CMC1: variants seen among roughly 807,000 people sequenced by gnomAD.
CMC1 encodes COX assembly mitochondrial protein homolog.
In CMC1, 14 loss-of-function variants were observed where a neutral mutation model predicts 14.1. That is an observed-to-expected ratio of 0.99 (90% CI 0.66 to 1.55). CMC1 has a LOEUF of 1.55. Among genes scored for constraint, CMC1 ranks in the 40% most tolerant of loss-of-function variants. The pLI, the probability that CMC1 is intolerant of heterozygous loss-of-function variation, is 0.00. For missense variants in CMC1, 127 were observed against 123.8 expected (o/e 1.03, Z -0.12); for synonymous variants, 50 against 38.4 (o/e 1.30, Z -1.12).
intron 2 of CMC1, among the ~76,000 whole-genome samples, chr3:28,308,876 G>A (rs1161370443): frequency 2.6e-5 from 4 of 151,998 alleles, no homozygotes; most frequent in African/African-American, 7.2e-5. Context: ...CCAGCTACTC[G>A]GGAGGCTGAG....
intron 1 of CMC1, among the ~76,000 whole-genome samples, chr3:28,255,932 G>A (rs1699382184): frequency 6.6e-6 from 1 of 152,066 alleles, no homozygotes; most frequent in Non-Finnish European, 1.5e-5. Flanking sequence ...AGGCGAAATA[G>A]ATAGGGTCAT....
chr3:28,298,453 AT>A (rs955868453), intron 2 of CMC1: 1 of 148,360 alleles, frequency 6.7e-6, no homozygotes, highest in Non-Finnish European at 1.5e-5. Flanking sequence ...TATAAAATAT[AT>A]TTTTATATAT....
At chr3:28,318,579 A>G (rs1448028065) in intron 3 of CMC1, 2 of 151,922 alleles carry the variant, frequency 1.3e-5, no homozygotes, top group Non-Finnish European at 2.9e-5. Context: ...AAGTCCAAAA[A>G]TGAACTGGGC....
intron 3 of CMC1, chr3:28,318,297 G>A (rs1599951): frequency 0.79 from 119,555 of 151,640 alleles, 47,535 homozygotes; most frequent in East Asian, 0.97. Flanking sequence ...TAAAGACTCT[G>A]ATGGGCTGAT....
chr3:28,301,067 C>G (rs1702021160), intron 2 of CMC1, among the ~76,000 whole-genome samples: 1 of 151,898 alleles, frequency 6.6e-6, no homozygotes, highest in Non-Finnish European at 1.5e-5. Flanking sequence ...ACAGTGTTAA[C>G]ATTTAAGCAG....
At chr3:28,284,625 C>T (rs950432410) in intron 2 of CMC1, among the ~76,000 whole-genome samples, 5 of 152,058 alleles carry the variant, frequency 3.3e-5, no homozygotes, top group African/African-American at 1.2e-4. Context: ...AGCAACAAAC[C>T]ATATAGATTT....
chr3:28,288,826 A>G (rs992019921), intron 2 of CMC1, among the ~76,000 whole-genome samples: 1 of 151,634 alleles, frequency 6.6e-6, no homozygotes, highest in African/African-American at 2.4e-5. Flanking sequence ...AATTTTTTAA[A>G]GTATACTCAC....
intron 2 of CMC1, among the ~76,000 whole-genome samples, chr3:28,279,165 T>C (rs972748827): frequency 1.2e-4 from 18 of 151,870 alleles, no homozygotes; most frequent in East Asian, 1.9e-4. Flanking sequence ...AAGTCAAACA[T>C]TGAAGGAAGG....
rs1250998884 is a variant in CMC1, at chr3:28,251,815, G to T, written c.19+10003G>T. On this transcript the variant is annotated intron_variant, in intron 1 of 3. Coordinates refer to ENST00000466830, the MANE Select transcript of CMC1 (RefSeq NM_182523.2). ...ATTGAGAATATTACACAATCTTCTAGATTTATATGAGGAAAAAAAGTAAAT... is the reference window on the plus strand; with the variant it reads ...ATTGAGAATATTACACAATCTTCTATATTTATATGAGGAAAAAAAGTAAAT... Among the ~76,000 whole-genome samples the T allele has an allele frequency of 2.0e-5, 3 of 146,376 alleles. No individual in the cohort carries two copies. The East Asian group carries it at 5.9e-4, about 29-fold the overall frequency.
Position 28,323,017 on chromosome 3 carries a change from G to C in CMC1, c.*3388G>C, listed in dbSNP as rs1485179112. The C allele has an allele frequency of 7.1e-6, 1 of 141,184 alleles. No homozygotes were observed. Among genetic ancestry groups the C allele is most frequent in the Non-Finnish European group, 1.6e-5 (1 of 61,024 alleles). The allele number at this position is 141,184 out of a possible 1,614,324, so 8.7% of individuals were successfully genotyped here. A position where few individuals can be genotyped will look rare whatever the true frequency, so the allele number is the denominator to read the frequency against. ...TTATTTCCAAATAATTGGCCACTTA[G>C]AATAAGTGTGGACATTTCATGATCG... On this transcript the variant is annotated 3_prime_UTR_variant, in exon 4 of 4. Transcript: ENST00000466830.
rs1702922916 is a variant in CMC1, at chr3:28,316,407, G to T, written c.184G>T (p.Glu62Ter). The T allele has an allele frequency of 6.3e-7, 1 of 1,593,368 alleles. No homozygotes were observed. Among genetic ancestry groups the T allele is most frequent in the African/African-American group, 1.4e-5 (1 of 74,052 alleles). ...CCGGAAAGAAAATTCTGCATTGAAA[G>T]AATGTCTAACTGCTTAGTAAGTAGT... is the stretch of plus-strand genomic sequence containing the variant. ...KCRKENSALK[E>*]CLTAYYNDPA... The change falls in exon 3 of 4, where the codon GAA becomes TAA. Residue 62 changes from glutamate to a stop codon, truncating the protein, a stop_gained. Transcript: ENST00000466830. LOFTEE classifies it high-confidence loss of function.
chr3:28,314,590 A>G (rs1367315888), intron 2 of CMC1, among the ~76,000 whole-genome samples: 2 of 152,196 alleles, frequency 1.3e-5, no homozygotes, highest in Non-Finnish European at 2.9e-5. Flanking sequence ...TTGAAGGGGA[A>G]TACTATGTAT....
At chr3:28,276,163 A>AGG (rs1231954270) in intron 2 of CMC1, among the ~76,000 whole-genome samples, 1 of 152,000 alleles carries the variant, frequency 6.6e-6, no homozygotes, top group African/African-American at 2.4e-5. Context: ...TTCCCAGTGC[A>AGG]GGATTCACTT....
chr3:28,288,907 CT>C (rs1481476284), intron 2 of CMC1, among the ~76,000 whole-genome samples: 1 of 151,586 alleles, frequency 6.6e-6, no homozygotes, highest in Non-Finnish European at 1.5e-5. Context: ...TATTAAAACA[CT>C]TTGTAAACTG....
intron 2 of CMC1, chr3:28,315,790 C>T (rs1213719762): frequency 2.0e-5 from 3 of 152,102 alleles, no homozygotes; most frequent in Admixed American, 6.6e-5. Context: ...TTATAATTGC[C>T]TGCAGTATTC....
At chr3:28,299,647 A>G (rs1660653537) in intron 2 of CMC1, among the ~76,000 whole-genome samples, 1 of 152,154 alleles carries the variant, frequency 6.6e-6, no homozygotes, top group South Asian at 2.1e-4. Context: ...TGCTGCTGTC[A>G]CAATTTTATA....
At chr3:28,271,831 T>C (rs1257261497) in intron 2 of CMC1, among the ~76,000 whole-genome samples, 1 of 152,246 alleles carries the variant, frequency 6.6e-6, no homozygotes, top group African/African-American at 2.4e-5. Context: ...ATGGCCATTT[T>C]CACGACATTG....
chr3:28,292,438 G>C (rs1474972481), intron 2 of CMC1, among the ~76,000 whole-genome samples: 2 of 151,810 alleles, frequency 1.3e-5, no homozygotes, highest in African/African-American at 4.8e-5. Flanking sequence ...TATCCTAAAC[G>C]TTGTTGCTAG....
intron 2 of CMC1, among the ~76,000 whole-genome samples, chr3:28,314,739 A>C (rs1008521656): frequency 6.6e-6 from 1 of 152,196 alleles, no homozygotes; most frequent in Non-Finnish European, 1.5e-5. Flanking sequence ...TATCTATGCT[A>C]TAGGGCTCTT....
Sources: allele counts gnomAD v4.1 joint callset (sites outside exome capture counted in the v4.1 genomes callset), GRCh38; gene constraint gnomAD v4.1.1; transcripts MANE v1.5; gene names NCBI Gene and HGNC (gene_info 2026-07-23, HGNC 2026-07-21).